Variants in KIF1A observed in about 807,000 individuals in gnomAD.
The protein encoded by KIF1A is kinesin-like protein KIF1A.
A neutral mutation model predicts 227.3 loss-of-function variants in KIF1A; 46 were observed. That is an observed-to-expected ratio of 0.20 (90% CI 0.16 to 0.26). KIF1A has a LOEUF of 0.26. Among genes scored for constraint, KIF1A ranks in the 10% least tolerant of loss-of-function variants. The pLI, the probability that KIF1A is intolerant of heterozygous loss-of-function variation, is 1.00. For synonymous variants in KIF1A, 1,022 were observed against 1,012.8 expected, an observed-to-expected ratio of 1.01 and a Z score of -0.17; for missense variants, 1,683 against 2,485.9, an observed-to-expected ratio of 0.68 and a Z score of 6.87.
chr2:240,757,721 G>T lies in KIF1A; in HGVS notation c.2583-127C>A. 1.1e-6 allele frequency: 1 copy of T among 899,394 alleles called. No homozygotes were observed. The highest frequency in any genetic ancestry group is 1.7e-6 in the Non-Finnish European group (1 of 598,572). The allele number at this position is 899,394 out of a possible 1,614,324, so 55.7% of individuals were successfully genotyped here. A position where few individuals can be genotyped will look rare whatever the true frequency, so the allele number is the denominator to read the frequency against. Reference sequence around the variant, plus strand: ...ACCAAACACACAGACCATCGAGAATGCTGCTTTAAAAGATGAGAGAACCAA... The same window carrying T: ...ACCAAACACACAGACCATCGAGAATTCTGCTTTAAAAGATGAGAGAACCAA... On this transcript the variant is annotated intron_variant, in intron 26 of 48. Coordinates refer to ENST00000498729, the MANE Select transcript of KIF1A (RefSeq NM_001244008.2). This position sits in a 1 kb window ranked among gnomAD's most constrained non-coding sequence, Gnocchi z 6.2.
rs368078424 is a variant in KIF1A, at chr2:240,740,133, G to A, written c.3826C>T (p.Arg1276Ter). Reference protein sequence around the residue: ...GTFLLHQGIQRRITVTLLHET... With the variant: ...GTFLLHQGIQ ...TGCAGTAGTGTCACCGTAATCCGTC[G>A]CTGGATGCCCTGCCGGTGCCAGGTG... The change falls in exon 37 of 49, where the codon CGA (arginine) becomes TGA (stop). Residue 1276 changes from arginine to a stop codon, truncating the protein, a stop_gained. Coordinates refer to ENST00000498729, the MANE Select transcript of KIF1A (RefSeq NM_001244008.2). LOFTEE classifies it high-confidence loss of function. The surrounding 1 kb of genome is among the most constrained non-coding windows in gnomAD (Gnocchi z 6.1). 2.5e-6 allele frequency: 4 copies of A among 1,590,078 alleles called. No homozygotes were observed. The highest frequency in any genetic ancestry group is 3.4e-6 in the Non-Finnish European group (4 of 1,168,678).
chr2:240,786,171 C>T (rs765828411), intron 6 of KIF1A, among the ~76,000 whole-genome samples, 164 bp downstream of exon 6: 6 of 152,304 alleles, frequency 3.9e-5, no homozygotes, highest in East Asian at 3.9e-4. Flanking sequence ...CGGCCTCTCT[C>T]GGGCTGGCAC....
At chr2:240,753,639 T>C (rs974684188) in intron 27 of KIF1A, among the ~76,000 whole-genome samples, 2 of 152,084 alleles carry the variant, frequency 1.3e-5, no homozygotes, top group African/African-American at 4.8e-5. Context: ...ACACAGGGCC[T>C]TTTGCTCTTC....
Position 240,793,119 on chromosome 2 carries a change from C to A in KIF1A, c.107-3807G>T, listed in dbSNP as rs1024809071. ...CACACGGGTGCTACTGCTGCCCGTG[C>A]AGAGGGGCTTGCCCAGGTCCCCGAC... On this transcript the variant is annotated intron_variant, in intron 2 of 48. Transcript: ENST00000498729. This position sits in a 1 kb window ranked among gnomAD's most constrained non-coding sequence, Gnocchi z 4.8. 6.6e-6 allele frequency among the ~76,000 whole-genome samples: 1 copy of A among 152,208 alleles called. No homozygotes were observed. The highest frequency in any genetic ancestry group is 2.4e-5 in the African/African-American group (1 of 41,460).
intron 13 of KIF1A, among the ~76,000 whole-genome samples, chr2:240,772,843 A>T (rs2052189129): frequency 6.6e-6 from 1 of 152,168 alleles, no homozygotes; most frequent in South Asian, 2.1e-4. Flanking sequence ...ATTGAACCCA[A>T]ACCATGTGGT....
At position 240,783,033 on chromosome 2, in the gene KIF1A, G is replaced by A. The variant is rs377722824; in HGVS notation, c.864+11C>T. ...GGGTTCTGGCTATGGAAGCCGGGCC[G>A]GGCCACTCACCATTTCAGCCAGGGC... On this transcript the variant is annotated intron_variant, in intron 9 of 48. Coordinates refer to ENST00000498729, the MANE Select transcript of KIF1A (RefSeq NM_001244008.2). 9.0e-5 allele frequency: 145 copies of A among 1,609,774 alleles called. 1 individual carries two copies. The East Asian group carries it at 1.3e-3, about 15-fold the overall frequency.
chr2:240,723,117 C>A (rs930848782), intron 42 of KIF1A, among the ~76,000 whole-genome samples: 1 of 152,248 alleles, frequency 6.6e-6, no homozygotes, highest in African/African-American at 2.4e-5. Flanking sequence ...GGCAGCCCAG[C>A]CCCGCGACTC....
chr2:240,794,785 C>A (rs1250186602), intron 2 of KIF1A, among the ~76,000 whole-genome samples: 2 of 152,194 alleles, frequency 1.3e-5, no homozygotes, highest in Non-Finnish European at 2.9e-5. Context: ...GTCCCTGCCA[C>A]CCTCACAACC....
At chr2:240,810,113 C>T (rs1433236761) in intron 1 of KIF1A, among the ~76,000 whole-genome samples, 3 of 152,016 alleles carry the variant, frequency 2.0e-5, no homozygotes, top group Admixed American at 6.6e-5. Context: ...CGCACCCAGC[C>T]GGAAAGATTT....
At chr2:240,801,043 C>T (rs1319876190) in intron 1 of KIF1A, among the ~76,000 whole-genome samples, 1 of 152,014 alleles carries the variant, frequency 6.6e-6, no homozygotes. Context: ...AATCTCTGTA[C>T]TCTACATTCT....
intron 27 of KIF1A, among the ~76,000 whole-genome samples, chr2:240,755,275 G>A (rs913429789): frequency 6.6e-6 from 1 of 152,240 alleles, no homozygotes; most frequent in Non-Finnish European, 1.5e-5. Flanking sequence ...AGAGGCCAGG[G>A]TACCTTGAAG....
chr2:240,746,858 G>A (rs975099663), intron 29 of KIF1A, among the ~76,000 whole-genome samples: 12 of 152,216 alleles, frequency 7.9e-5, no homozygotes, highest in African/African-American at 1.4e-4. Context: ...AGGAGCAGGC[G>A]AAGGGGGCAG....
In KIF1A at chr2:240,721,866, G is replaced by A; in HGVS notation, c.4684C>T (p.His1562Tyr). Residue 1562 changes from histidine to tyrosine, a missense_variant, in exon 44 of 49, where the codon CAC (histidine) becomes TAC (tyrosine). Physicochemically the swap from His to Tyr is moderately conservative, Grantham distance 83 (BLOSUM62 2). This residue lies in a region of KIF1A where 384 missense variants were observed against 410.1 expected (regional missense o/e 0.94). Coordinates refer to ENST00000498729, the MANE Select transcript of KIF1A (RefSeq NM_001244008.2). The stretch of plus-strand genomic sequence containing the variant: ...TGTGTGTACTCTCTGTTGAATGTGT[G>A]CGTGAGCAGGCGCAAGCACTGTGGA... The part of the protein sequence containing the change: ...LAVKCLRLLT[H>Y]TFNREYTHSH... 1 of 1,606,358 alleles carries A rather than the reference G, an allele frequency of 6.2e-7. No homozygotes were observed.
intron 1 of KIF1A, among the ~76,000 whole-genome samples, chr2:240,817,033 C>T (rs1328260628): frequency 6.6e-6 from 1 of 152,216 alleles, no homozygotes; most frequent in Non-Finnish European, 1.5e-5. Flanking sequence ...AAAGAGCAAG[C>T]TGGCTTCGTC....
At position 240,723,901 on chromosome 2, in the gene KIF1A, G is replaced by A. The variant is rs183229565; in HGVS notation, c.4318+74C>T. On this transcript the variant is annotated intron_variant, in intron 41 of 48. Coordinates refer to ENST00000498729, the MANE Select transcript of KIF1A (RefSeq NM_001244008.2). Reference sequence around the variant, plus strand: ...GGATCCCCCTGCAAATGGCAGCTTCGCTGTGGTCACCCCAAGTGGGCAGAG... The same window carrying A: ...GGATCCCCCTGCAAATGGCAGCTTCACTGTGGTCACCCCAAGTGGGCAGAG... 1.0e-4 allele frequency: 129 copies of A among 1,262,826 alleles called. 1 individual carries two copies. The African/African-American group carries it at 1.5e-3, about 15-fold the overall frequency. 78.2% of individuals were successfully genotyped at this position (1,262,826 alleles called of 1,614,324 possible).
intron 1 of KIF1A, among the ~76,000 whole-genome samples, chr2:240,799,903 T>G (rs187143222): frequency 1.3e-5 from 2 of 152,252 alleles, no homozygotes; most frequent in African/African-American, 2.4e-5. Flanking sequence ...CTCCCCAAAT[T>G]TAGCTATATA....
chr2:240,726,871 G>T lies in KIF1A; in HGVS notation c.4077C>A (p.Thr1359=). 1 of 1,612,812 alleles carries T rather than the reference G, an allele frequency of 6.2e-7. No homozygotes were observed. Among genetic ancestry groups the T allele is most frequent in the Non-Finnish European group, 8.5e-7 (1 of 1,179,508 alleles). Residue 1359 remains threonine (T), a synonymous_variant, in exon 39 of 49, where the codon ACC becomes ACA. Transcript: ENST00000498729. This position sits in a 1 kb window ranked among gnomAD's most constrained non-coding sequence, Gnocchi z 5.2. Reference sequence around the variant, plus strand: ...TCATGTAGATTTTCTCTCGATAAGGGGTGACCCGGTTCAGCAGGAGAGAGT... The same window carrying T: ...TCATGTAGATTTTCTCTCGATAAGGTGTGACCCGGTTCAGCAGGAGAGAGT... ...MHNSLLLNRV[T]PYREKIYMTL...
chr2:240,760,899 C>T (rs2050435565), intron 24 of KIF1A, 56 bp from the exon 25 acceptor site: 1 of 1,511,854 alleles, frequency 6.6e-7, no homozygotes, highest in Non-Finnish European at 8.9e-7. Flanking sequence ...GGTGCCAGGT[C>T]CCCAAAAAGG....
chr2:240,746,159 G>T lies in KIF1A; in HGVS notation c.3082C>A (p.Pro1028Thr), dbSNP rs1340701439. The T allele has an allele frequency of 3.2e-6, 5 of 1,564,754 alleles. No homozygotes were observed. Among genetic ancestry groups the T allele is most frequent in the Non-Finnish European group, 4.3e-6 (5 of 1,155,282 alleles). The part of the protein sequence containing the change: ...HFEKFQSESC[P>T]VVGMSRSGTS... ...CCCGAGCGGGACATCCCCACCACGG[G>T]GCAAGACTCGGACTGGAACTGATCA... is the stretch of plus-strand genomic sequence containing the variant. Residue 1028 changes from proline (P) to threonine (T), a missense_variant, in exon 30 of 49, where the codon CCC becomes ACC. This residue lies in a region of KIF1A where 759 missense variants were observed against 1,020.2 expected (regional missense o/e 0.74). Coordinates refer to ENST00000498729, the MANE Select transcript of KIF1A (RefSeq NM_001244008.2).
Sources: allele counts gnomAD v4.1 joint callset (sites outside exome capture counted in the v4.1 genomes callset), GRCh38; gene constraint gnomAD v4.1.1; regional missense constraint gnomAD v4.1.1; non-coding constraint Gnocchi (gnomAD v3.1); transcripts MANE v1.5; gene names NCBI Gene and HGNC (gene_info 2026-07-23, HGNC 2026-07-21).